EIF4B: variants seen among roughly 807,000 people sequenced by gnomAD.
EIF4B encodes the protein eukaryotic translation initiation factor 4B.
Under a neutral mutation model 79.3 loss-of-function variants are expected in EIF4B, and 8 were observed. The observed-to-expected ratio is 0.10, with a 90% CI of 0.06 to 0.18. EIF4B has a LOEUF of 0.18. Ranked by LOEUF, EIF4B falls within the 10% of genes least tolerant of loss-of-function variation. EIF4B has a pLI of 1.00. For synonymous variants in EIF4B, 238 were observed against 274.7 expected (o/e 0.87, Z 1.32); for missense variants, 515 against 792.4 (o/e 0.65, Z 4.20).
chr12:53,011,124 A>G (rs766066873), intron 1 of EIF4B, among the ~76,000 whole-genome samples: 3 of 152,002 alleles, frequency 2.0e-5, no homozygotes, highest in Non-Finnish European at 4.4e-5. Flanking sequence ...AAAATTAGCC[A>G]GGGGTGGTGG....
chr12:53,025,411 A>T, intron 6 of EIF4B: 1 of 361,948 alleles, frequency 2.8e-6, no homozygotes. Flanking sequence ...TTAAAGATCC[A>T]GAGACTCCTG....
At chr12:53,027,137 ATT>A (rs71095967) in intron 6 of EIF4B, among the ~76,000 whole-genome samples, 6 of 25,738 alleles carry the variant, frequency 2.3e-4, no homozygotes, top group African/African-American at 4.9e-4. Flanking sequence ...AAAAAAAAAA[ATT>A]TTTTTTTTTT....
chr12:53,024,597 G>A (rs892404838), intron 6 of EIF4B, among the ~76,000 whole-genome samples: 2 of 152,164 alleles, frequency 1.3e-5, no homozygotes, highest in African/African-American at 4.8e-5. Context: ...TTACTTTTCT[G>A]TATGTTTGAA....
chr12:53,030,064 A>G (rs1441849176), intron 8 of EIF4B, among the ~76,000 whole-genome samples: 1 of 47,700 alleles, frequency 2.1e-5, no homozygotes, highest in African/African-American at 3.5e-5. Flanking sequence ...TCTGCAAAAA[A>G]TACAAAAGTT....
intron 3 of EIF4B, among the ~76,000 whole-genome samples, chr12:53,019,437 A>ATATTTTTTTTTTCTTTTTT (rs1943205076): frequency 5.9e-5 from 3 of 51,024 alleles, no homozygotes; most frequent in African/African-American, 1.3e-4. Flanking sequence ...ATATATATAT[A>ATATTTTTTTTTTCTTTTTT]TTTTTTTTTT....
At chr12:53,012,593 T>G (rs1401942041) in intron 1 of EIF4B, among the ~76,000 whole-genome samples, 2 of 151,548 alleles carry the variant, frequency 1.3e-5, no homozygotes, top group African/African-American at 4.9e-5. Context: ...TTCTTTTTTT[T>G]TTCCTTTTTT....
intron 1 of EIF4B, among the ~76,000 whole-genome samples, chr12:53,006,720 G>A (rs1174924781): frequency 6.6e-6 from 1 of 151,832 alleles, no homozygotes; most frequent in African/African-American, 2.4e-5. Flanking sequence ...CACCCTTTCT[G>A]CGCGAGATTG....
At chr12:53,014,272 C>A (rs1592214763) in intron 1 of EIF4B, among the ~76,000 whole-genome samples, 2 of 151,532 alleles carry the variant, frequency 1.3e-5, no homozygotes, top group African/African-American at 2.4e-5. Context: ...ATTAGCCTGG[C>A]GTGGTGGCAC....
At chr12:53,024,125 G>A (rs1266141673) in intron 6 of EIF4B, among the ~76,000 whole-genome samples, 3 of 152,080 alleles carry the variant, frequency 2.0e-5, no homozygotes, top group Non-Finnish European at 4.4e-5. Context: ...ATAGGTGAGT[G>A]GGAAATATCA....
chr12:53,034,350 CTGTGT>C (rs1259045493), intron 9 of EIF4B, among the ~76,000 whole-genome samples: 1 of 152,060 alleles, frequency 6.6e-6, no homozygotes, highest in Non-Finnish European at 1.5e-5. Flanking sequence ...GCTTGTAGAA[CTGTGT>C]TGATTAGTAA....
chr12:53,008,296 T>G (rs935288691), intron 1 of EIF4B, among the ~76,000 whole-genome samples: 1 of 152,208 alleles, frequency 6.6e-6, no homozygotes, highest in Non-Finnish European at 1.5e-5. Context: ...GACGTCCCAT[T>G]CTCTTGTTCT....
chr12:53,009,149 C>A lies in EIF4B; in HGVS notation c.13+2653C>A, dbSNP rs149270399. On this transcript the variant is annotated intron_variant, in intron 1 of 14. Coordinates refer to ENST00000262056, the MANE Select transcript of EIF4B (RefSeq NM_001417.7). The stretch of plus-strand genomic sequence containing the variant: ...ACCGCTTGAATCTCAGTTTCTTTAT[C>A]TGGAAAGTGGTCATTATTTATCTGC... Among the ~76,000 whole-genome samples, 1,042 of 152,302 alleles carry A rather than the reference C, an allele frequency of 6.8e-3. 11 individuals carry two copies. The highest frequency in any genetic ancestry group is 0.024 in the African/African-American group (984 of 41,570).
chr12:53,032,906 G>T (rs1272098131), intron 8 of EIF4B, among the ~76,000 whole-genome samples: 1 of 152,068 alleles, frequency 6.6e-6, no homozygotes, highest in East Asian at 1.9e-4. Flanking sequence ...CCTGATCTCA[G>T]GTGATCCGCC....
At chr12:53,024,675 T>C (rs1389212434) in intron 6 of EIF4B, among the ~76,000 whole-genome samples, 3 of 152,030 alleles carry the variant, frequency 2.0e-5, no homozygotes, top group African/African-American at 7.3e-5. Context: ...TTGTTTTGTT[T>C]TGACACAGTC....
At chr12:53,021,080 C>T (rs1296703416) in intron 4 of EIF4B, among the ~76,000 whole-genome samples, 1 of 152,074 alleles carries the variant, frequency 6.6e-6, no homozygotes, top group Non-Finnish European at 1.5e-5. Context: ...TATCCTTCAA[C>T]TGTAGATTCT....
chr12:53,022,977 G>A (rs865775587), intron 6 of EIF4B, among the ~76,000 whole-genome samples: 1 of 151,962 alleles, frequency 6.6e-6, no homozygotes. Context: ...CAGCCTGGGC[G>A]ACAAAACAAG....
At chr12:53,019,276 G>A (rs1290543268) in intron 3 of EIF4B, among the ~76,000 whole-genome samples, 3 of 152,034 alleles carry the variant, frequency 2.0e-5, no homozygotes, top group African/African-American at 4.8e-5. Flanking sequence ...GTACACGTCT[G>A]TAATCCCAGC....
chr12:53,021,776 AG>A (rs1392775119), intron 4 of EIF4B, 29 bp from the exon 5 acceptor site: 2 of 1,614,016 alleles, frequency 1.2e-6, no homozygotes, highest in Non-Finnish European at 1.7e-6. Flanking sequence ...ATGGGGCAAA[AG>A]GTTGGTTAAT....
chr12:53,016,888 AT>A, intron 2 of EIF4B, among the ~76,000 whole-genome samples: 1 of 152,168 alleles, frequency 6.6e-6, no homozygotes, highest in Non-Finnish European at 1.5e-5. Flanking sequence ...CATTTTCTTC[AT>A]TTTAAAAGTA....
Sources: gnomAD v4.1 joint callset for allele counts (sites outside exome capture counted in the v4.1 genomes callset) on GRCh38, gnomAD v4.1.1 for gene constraint, MANE v1.5 for transcripts, NCBI Gene and HGNC (gene_info 2026-07-23, HGNC 2026-07-21) for gene names.